ADCY10: variants seen among roughly 807,000 people sequenced by gnomAD.
The protein encoded by ADCY10 is adenylate cyclase type 10.
A neutral mutation model predicts 183.3 loss-of-function variants in ADCY10; 156 were observed. That is an observed-to-expected ratio of 0.85 (90% CI 0.75 to 0.97). The LOEUF is 0.97. Ranked by LOEUF, ADCY10 falls within the 50% of genes least tolerant of loss-of-function variation. The pLI is 0.00. For synonymous variants in ADCY10, 645 were observed against 670.0 expected (o/e 0.96, Z 0.58); for missense variants, 1,745 against 1,934.3 (o/e 0.90, Z 1.84).
At chr1:167,854,225 T>C in intron 18 of ADCY10, 128 bp downstream of exon 18, 1 of 1,150,282 alleles carries the variant, frequency 8.7e-7, no homozygotes, top group Non-Finnish European at 1.3e-6. Context: ...CAATAATTCC[T>C]GGCTCCCCAG....
intron 32 of ADCY10, among the ~76,000 whole-genome samples, 177 bp downstream of exon 32, chr1:167,810,548 T>C (rs1321869264): frequency 6.6e-6 from 1 of 152,210 alleles, no homozygotes; most frequent in Non-Finnish European, 1.5e-5. Flanking sequence ...CTCCAGAGCC[T>C]TGATCTTGGA....
chr1:167,888,372 T>G lies in ADCY10; in HGVS notation c.829-4744A>C, dbSNP rs559004301. Among the ~76,000 whole-genome samples the G allele has an allele frequency of 2.6e-5, 4 of 152,328 alleles. No homozygotes were observed. The South Asian group carries it at 8.3e-4, about 32-fold the overall frequency. ...AATCTGTAGATTGCTTTGGGTAGTA[T>G]GAACATTCTTCCAATCTATAAGCAT... On this transcript the variant is annotated intron_variant, in intron 8 of 32. Transcript: ENST00000367851.
rs930662805 is a variant in ADCY10 at position 167,810,832 on chromosome 1, T to C, written c.4564A>G (p.Ile1522Val). The change falls in exon 32 of 33, where the codon ATA becomes GTA. Residue 1522 changes from isoleucine to valine, a missense_variant. Ile to Val is a conservative substitution (Grantham distance 29). Transcript: ENST00000367851. ...CATTTCTGCCCATCTCCCATTAATA[T>C]ACAGACGTAAGCCATCAGGTGGTAG... is the stretch of plus-strand genomic sequence containing the variant. ...RLYHLMAYVCILMGDGQKCGL... is the reference protein window; with the variant it reads ...RLYHLMAYVCVLMGDGQKCGL... 3.1e-6 allele frequency: 5 copies of C among 1,614,018 alleles called. No individual in the cohort carries two copies. Among genetic ancestry groups the C allele is most frequent in the African/African-American group, 2.7e-5 (2 of 74,900 alleles).
At chr1:167,842,566 G>A (rs1048547049) in intron 21 of ADCY10, among the ~76,000 whole-genome samples, 2 of 147,974 alleles carry the variant, frequency 1.4e-5, no homozygotes, top group Non-Finnish European at 3.0e-5. Context: ...ATAGATTAAA[G>A]CAGGATATTT....
At chr1:167,863,692 G>GC (rs1666457318) in intron 14 of ADCY10, among the ~76,000 whole-genome samples, 1 of 152,228 alleles carries the variant, frequency 6.6e-6, no homozygotes, top group South Asian at 2.1e-4. Flanking sequence ...CCAGAGTGAC[G>GC]CGGATCCTGA....
intron 21 of ADCY10, among the ~76,000 whole-genome samples, chr1:167,843,021 G>A (rs540695525): frequency 1.4e-3 from 211 of 152,286 alleles, no homozygotes; most frequent in South Asian, 2.9e-3. Context: ...AGTTTGTCGA[G>A]TCGATAGCCT....
chr1:167,839,603 C>G (rs967369630), intron 21 of ADCY10, among the ~76,000 whole-genome samples: 1 of 152,158 alleles, frequency 6.6e-6, no homozygotes, highest in Admixed American at 6.5e-5. Flanking sequence ...TTCCAATTCA[C>G]TTAGACTGAA....
At chr1:167,887,634 T>G (rs1270626986) in intron 8 of ADCY10, among the ~76,000 whole-genome samples, 1 of 152,086 alleles carries the variant, frequency 6.6e-6, no homozygotes, top group African/African-American at 2.4e-5. Context: ...ACATGGGACA[T>G]GTATACATAA....
intron 13 of ADCY10, among the ~76,000 whole-genome samples, 198 bp downstream of exon 13, chr1:167,874,933 G>C (rs972183138): frequency 6.6e-6 from 1 of 152,172 alleles, no homozygotes; most frequent in African/African-American, 2.4e-5. Context: ...GTAATCGAGG[G>C]TGTTAGAAGA....
chr1:167,889,802 A>AT (rs1369059542), intron 8 of ADCY10, among the ~76,000 whole-genome samples: 1 of 152,156 alleles, frequency 6.6e-6, no homozygotes, highest in Non-Finnish European at 1.5e-5. Context: ...TTTCTTCTAG[A>AT]TTTTCCAATT....
rs190879038 is a variant in ADCY10 at position 167,878,592 on chromosome 1, G to A, written c.1260C>T (p.Tyr420=). The change falls in exon 12 of 33, where the codon TAC becomes TAT. Residue 420 remains tyrosine (Y), a synonymous_variant. Transcript: ENST00000367851. The stretch of plus-strand genomic sequence containing the variant: ...AGTCGCAGGTCACAATTCCTGGGTA[G>A]TACATCATCATCCTGGCAGCTAAGT... The part of the protein sequence containing the change: ...KVNLAARMMM[Y]YPGIVTCDSV... 182 of 1,614,132 alleles carry A rather than the reference G, an allele frequency of 1.1e-4. 1 individual carries two copies. In the Admixed American group the frequency reaches 3.0e-3, roughly 27 times the overall value.
chr1:167,860,965 T>C lies in ADCY10; in HGVS notation c.1715A>G (p.His572Arg), dbSNP rs1393403602. ...AAGGTTGGTCTGTCGTTCTTTATAA[T>C]GTTTACAAGTGTCTAGGCCTAGGAC... ...ANVLGLDTCK[H>R]YKERQTNLRN... The change falls in exon 15 of 33, where the codon CAT becomes CGT. Residue 572 changes from histidine (H) to arginine (R), a missense_variant. By Grantham distance (29) the His-to-Arg change is conservative. Transcript: ENST00000367851. 14 of 1,614,164 alleles carry C rather than the reference T, an allele frequency of 8.7e-6. No homozygotes were observed. Among genetic ancestry groups the C allele is most frequent in the African/African-American group, 1.3e-5 (1 of 75,052 alleles).
rs879595786 is a variant in ADCY10 at position 167,901,436 on chromosome 1, A to C, written c.436+226T>G. ...CATTAACTACCATACCAACTAATTT[A>C]CTTTTTGTAATAGCTTATTAGGTAG... On this transcript the variant is annotated intron_variant, in intron 5 of 32. Coordinates refer to ENST00000367851, the MANE Select transcript of ADCY10 (RefSeq NM_018417.6). 2.0e-5 allele frequency among the ~76,000 whole-genome samples: 3 copies of C among 152,262 alleles called. No individual in the cohort carries two copies. The East Asian group carries it at 5.8e-4, about 29-fold the overall frequency.
intron 7 of ADCY10, among the ~76,000 whole-genome samples, chr1:167,896,294 G>A (rs1346032938): frequency 6.6e-6 from 1 of 152,198 alleles, no homozygotes; most frequent in Non-Finnish European, 1.5e-5. Flanking sequence ...ATTGGTGAAG[G>A]TTAGGAGGGG....
At position 167,809,496 on chromosome 1, in the gene ADCY10, T is replaced by TAAACCATGACA. The variant is rs1662065723; in HGVS notation, c.*171_*181dup. 1 of 669,786 alleles carries TAAACCATGACA rather than the reference T, an allele frequency of 1.5e-6. No homozygotes were observed. Among genetic ancestry groups the TAAACCATGACA allele is most frequent in the East Asian group, 2.8e-5 (1 of 35,978 alleles). The allele number at this position is 669,786 out of a possible 1,614,324, so 41.5% of individuals were successfully genotyped here. On this transcript the variant is annotated 3_prime_UTR_variant, in exon 33 of 33. Transcript: ENST00000367851. ...AATTTTTTGTAACATTAGGAAGAAG[T>TAAACCATGACA]AAACCATGACACTCCTGACCCTTGT...
chr1:167,888,891 G>GA (rs1026085924), intron 8 of ADCY10, among the ~76,000 whole-genome samples: 3 of 139,138 alleles, frequency 2.2e-5, no homozygotes, highest in Non-Finnish European at 3.1e-5. Context: ...AAAAAAAAAA[G>GA]AAAAAGAAAG....
At position 167,854,377 on chromosome 1, in the gene ADCY10, T is replaced by C; in HGVS notation, c.2284A>G (p.Asn762Asp). 1 of 1,614,190 alleles carries C rather than the reference T, an allele frequency of 6.2e-7. No homozygotes were observed. Among genetic ancestry groups the C allele is most frequent in the Non-Finnish European group, 8.5e-7 (1 of 1,180,014 alleles). Reference sequence around the variant, plus strand: ...CTGAACAGGTTATTCCAGGTCCTATTTGTCTTTTCCTCAGACTCCGTTTGT... The same window carrying C: ...CTGAACAGGTTATTCCAGGTCCTATCTGTCTTTTCCTCAGACTCCGTTTGT... ...FQQTESEEKTNRTWNNLFKYS... is the reference protein window; with the variant it reads ...FQQTESEEKTDRTWNNLFKYS... Residue 762 changes from asparagine (N) to aspartate (D), a missense_variant, in exon 18 of 33, where the codon AAT (asparagine) becomes GAT (aspartate). Asn to Asp is a conservative substitution (Grantham distance 23, BLOSUM62 1). Coordinates refer to ENST00000367851, the MANE Select transcript of ADCY10 (RefSeq NM_018417.6).
At position 167,855,329 on chromosome 1, in the gene ADCY10, AAAAC is replaced by A. The variant is rs34829966; in HGVS notation, c.2171+832_2171+835del. On this transcript the variant is annotated intron_variant, in intron 17 of 32. Transcript: ENST00000367851. ...GAGCGAAACTAGGTCTAAAAAACAAAAAACAAACAAACAAACAAACAAACAAAAA... is the reference window on the plus strand; with the variant it reads ...GAGCGAAACTAGGTCTAAAAAACAAAAAACAAACAAACAAACAAACAAAAA... Among the ~76,000 whole-genome samples, 790 of 150,988 alleles carry A rather than the reference AAAAC, an allele frequency of 5.2e-3. 8 individuals carry two copies. The highest frequency in any genetic ancestry group is 0.018 in the African/African-American group (733 of 40,950).
chr1:167,908,343 A>T (rs1416054622), intron 1 of ADCY10, among the ~76,000 whole-genome samples: 1 of 152,196 alleles, frequency 6.6e-6, no homozygotes. Flanking sequence ...TATATATGGA[A>T]TCTAAAAAAG....
Sources: allele counts gnomAD v4.1 joint callset (sites outside exome capture counted in the v4.1 genomes callset), GRCh38; gene constraint gnomAD v4.1.1; transcripts MANE v1.5; gene names NCBI Gene and HGNC (gene_info 2026-07-23, HGNC 2026-07-21).